CUEDC1: variants seen among roughly 807,000 people sequenced by gnomAD.
CUEDC1 encodes CUE domain-containing protein 1.
CUEDC1 carries 30 observed loss-of-function variants against 43.7 expected under a neutral mutation model. That is an observed-to-expected ratio of 0.69 (90% CI 0.51 to 0.93). The LOEUF (loss-of-function observed/expected upper bound fraction) is 0.93. CUEDC1 is among the 40% of genes least tolerant of loss of function. The pLI is 0.00. For synonymous variants in CUEDC1, 223 were observed against 223.6 expected, an observed-to-expected ratio of 1.00 and a Z score of 0.02; for missense variants, 486 against 549.0, an observed-to-expected ratio of 0.89 and a Z score of 1.15.
rs2075034893 is a variant in CUEDC1, at chr17:57,954,296, T to C, written c.-316+929A>G. On this transcript the variant is annotated intron_variant, in intron 1 of 10. Transcript: ENST00000577830. This position sits in a 1 kb window ranked among gnomAD's most constrained non-coding sequence, Gnocchi z 4.3. The stretch of plus-strand genomic sequence containing the variant: ...ATCCTCTATCGCCTCCAGGGCATCT[T>C]GTTTCTAAACTCCCAGGGAGTCCCC... 6.6e-6 allele frequency among the ~76,000 whole-genome samples: 1 copy of C among 152,130 alleles called. No homozygotes were observed. Among genetic ancestry groups the C allele is most frequent in the African/African-American group, 2.4e-5 (1 of 41,408 alleles).
chr17:57,897,718 C>T (rs1384282187), intron 1 of CUEDC1, among the ~76,000 whole-genome samples: 1 of 146,642 alleles, frequency 6.8e-6, no homozygotes, highest in African/African-American at 2.5e-5. Context: ...CAAAATTTTA[C>T]AAAACCTGAA....
At chr17:57,939,664 C>A (rs2074897845) in intron 1 of CUEDC1, among the ~76,000 whole-genome samples, 1 of 152,164 alleles carries the variant, frequency 6.6e-6, no homozygotes. Context: ...AAAGCTCCTA[C>A]CCCCTGGTGC....
intron 8 of CUEDC1, chr17:57,867,754 G>A: frequency 2.1e-6 from 1 of 475,228 alleles, no homozygotes; most frequent in Non-Finnish European, 3.8e-6. Context: ...TTCTACTCGA[G>A]GAAGGGAGGG....
At chr17:57,932,174 C>T (rs1222627270) in intron 1 of CUEDC1, among the ~76,000 whole-genome samples, 1 of 151,482 alleles carries the variant, frequency 6.6e-6, no homozygotes, top group African/African-American at 2.4e-5. Flanking sequence ...CCCAGCTACT[C>T]GGAAGGCTGA....
rs769636977 is a variant in CUEDC1, at chr17:57,872,849, C to A, written c.598G>T (p.Ala200Ser). 138 of 1,611,796 alleles carry A rather than the reference C, an allele frequency of 8.6e-5. No individual in the cohort carries two copies. Among genetic ancestry groups the A allele is most frequent in the Non-Finnish European group, 1.2e-4 (136 of 1,179,314 alleles). The change falls in exon 5 of 11, where the codon GCT becomes TCT. Residue 200 changes from alanine to serine, a missense_variant. Coordinates refer to ENST00000577830, the MANE Select transcript of CUEDC1 (RefSeq NM_001271875.2). Reference sequence around the variant, plus strand: ...CCACTCCCAGGCTTGGGGCCCCCAGCGTTACCCTGAGGAGGGAAGCGAGCA... The same window carrying A: ...CCACTCCCAGGCTTGGGGCCCCCAGAGTTACCCTGAGGAGGGAAGCGAGCA... ...PQQLDSIQGN[A>S]GGPKPGSGEG...
chr17:57,881,983 C>T (rs896299166), intron 2 of CUEDC1, among the ~76,000 whole-genome samples: 3 of 152,202 alleles, frequency 2.0e-5, no homozygotes, highest in South Asian at 2.1e-4. Context: ...CCACTGCCAC[C>T]GCCACAAAGA....
chr17:57,950,102 A>G (rs151093286), intron 1 of CUEDC1, among the ~76,000 whole-genome samples: 3 of 152,284 alleles, frequency 2.0e-5, no homozygotes, highest in African/African-American at 7.2e-5. Context: ...TGCTGCAATG[A>G]TTATTTCCCA....
At chr17:57,915,447 T>C (rs2074629314) in intron 1 of CUEDC1, among the ~76,000 whole-genome samples, 1 of 152,032 alleles carries the variant, frequency 6.6e-6, no homozygotes, top group African/African-American at 2.4e-5. Context: ...AACAAGCAGA[T>C]AGGCATAGCG....
chr17:57,947,595 TCGAGA>T (rs1428771597), intron 1 of CUEDC1, among the ~76,000 whole-genome samples: 2 of 152,154 alleles, frequency 1.3e-5, no homozygotes, highest in African/African-American at 4.8e-5. Context: ...GCTCAGGAGT[TCGAGA>T]CCAGCCAGGC....
chr17:57,955,252 C>T lies in CUEDC1; in HGVS notation c.-343G>A, dbSNP rs938441486. ...GGCAGCGCCACGCGCGTCCGCTCCG[C>T]GCGGGCCGCAGGGGCCGGGCCGCGG... On this transcript the variant is annotated 5_prime_UTR_variant, in exon 1 of 11. Transcript: ENST00000577830. The surrounding 1 kb of genome is among the most constrained non-coding windows in gnomAD (Gnocchi z 5.3). 6.9e-6 allele frequency: 1 copy of T among 144,432 alleles called. No individual in the cohort carries two copies. Among genetic ancestry groups the T allele is most frequent in the Non-Finnish European group, 1.5e-5 (1 of 64,870 alleles). The allele number at this position is 144,432 out of a possible 1,614,324, so 8.9% of individuals were successfully genotyped here. A position where few individuals can be genotyped will look rare whatever the true frequency, so the allele number is the denominator to read the frequency against.
At chr17:57,896,767 C>CTTTTTTTTTTTTTTTTT (rs747788787) in intron 1 of CUEDC1, among the ~76,000 whole-genome samples, 1 of 112,266 alleles carries the variant, frequency 8.9e-6, no homozygotes, top group Non-Finnish European at 1.8e-5. Flanking sequence ...TTTCTTCTTT[C>CTTTTTTTTTTTTTTTTT]TTTTTTTTTT....
chr17:57,954,524 A>T lies in CUEDC1; in HGVS notation c.-316+701T>A, dbSNP rs2075037211. Among the ~76,000 whole-genome samples the T allele has an allele frequency of 6.6e-6, 1 of 152,008 alleles. No homozygotes were observed. The highest frequency in any genetic ancestry group is 2.1e-4 in the South Asian group (1 of 4,818). Reference sequence around the variant, plus strand: ...AAAAGGAAGAGGGAGGAATGAATAAACGCTGACACCAGCCCCCCTTGGAGC... The same window carrying T: ...AAAAGGAAGAGGGAGGAATGAATAATCGCTGACACCAGCCCCCCTTGGAGC... On this transcript the variant is annotated intron_variant, in intron 1 of 10. Coordinates refer to ENST00000577830, the MANE Select transcript of CUEDC1 (RefSeq NM_001271875.2). This position sits in a 1 kb window ranked among gnomAD's most constrained non-coding sequence, Gnocchi z 4.3.
chr17:57,936,865 C>G (rs1188457963), intron 1 of CUEDC1, among the ~76,000 whole-genome samples: 22 of 150,736 alleles, frequency 1.5e-4, no homozygotes, highest in African/African-American at 4.4e-4. Context: ...TGTATCACCA[C>G]GCTGGAGTAC....
At chr17:57,902,330 A>G (rs1480635436) in intron 1 of CUEDC1, among the ~76,000 whole-genome samples, 4 of 152,232 alleles carry the variant, frequency 2.6e-5, no homozygotes, top group Non-Finnish European at 5.9e-5. Context: ...CTCCATCTCA[A>G]AAAGAGAAAC....
At chr17:57,891,023 C>A (rs1198835212) in intron 1 of CUEDC1, among the ~76,000 whole-genome samples, 1 of 152,178 alleles carries the variant, frequency 6.6e-6, no homozygotes. Context: ...TGGCTTGGGG[C>A]ACAGGCCTGG....
intron 1 of CUEDC1, among the ~76,000 whole-genome samples, chr17:57,887,829 C>A (rs1018559386): frequency 1.1e-4 from 16 of 150,764 alleles, no homozygotes; most frequent in African/African-American, 3.9e-4. Flanking sequence ...AGTACATCAA[C>A]CCCTGAGAAA....
chr17:57,899,784 C>G (rs373372608), intron 1 of CUEDC1, among the ~76,000 whole-genome samples: 1 of 152,204 alleles, frequency 6.6e-6, no homozygotes, highest in East Asian at 1.9e-4. Flanking sequence ...CTCCCCTCTT[C>G]GCCCAACTCT....
chr17:57,947,045 C>T (rs1407219847), intron 1 of CUEDC1, among the ~76,000 whole-genome samples: 1 of 151,804 alleles, frequency 6.6e-6, no homozygotes, highest in Admixed American at 6.6e-5. Flanking sequence ...TAATCTCAGA[C>T]CAGAGCAAAG....
chr17:57,928,724 A>G (rs1481534703), intron 1 of CUEDC1, among the ~76,000 whole-genome samples: 1 of 148,040 alleles, frequency 6.8e-6, no homozygotes, highest in Non-Finnish European at 1.5e-5. Context: ...GGGAGAATAT[A>G]CTGGCATTCG....
Sources: gnomAD v4.1 joint callset for allele counts (sites outside exome capture counted in the v4.1 genomes callset) on GRCh38, gnomAD v4.1.1 for gene constraint, Gnocchi (gnomAD v3.1) non-coding constraint, MANE v1.5 for transcripts, NCBI Gene and HGNC (gene_info 2026-07-23, HGNC 2026-07-21) for gene names.